Variants in CFAP299 observed in about 807,000 individuals in gnomAD.
CFAP299 encodes cilia- and flagella-associated protein 299.
A neutral mutation model predicts 27.0 loss-of-function variants in CFAP299; 21 were observed. That is an observed-to-expected ratio of 0.78 (90% CI 0.55 to 1.12). The LOEUF is 1.12. Ranked by LOEUF, CFAP299 falls within the 50% of genes most tolerant of loss-of-function variation. CFAP299 has a pLI of 0.00. For missense variants in CFAP299, 310 were observed against 276.6 expected (o/e 1.12, Z -0.86); for synonymous variants, 104 against 98.1 (o/e 1.06, Z -0.36).
At chr4:80,768,184 C>T (rs941951604) in intron 3 of CFAP299, among the ~76,000 whole-genome samples, 4 of 152,182 alleles carry the variant, frequency 2.6e-5, no homozygotes, top group Non-Finnish European at 5.9e-5. Flanking sequence ...TCAGTAATAA[C>T]ACCTAAGATT....
At chr4:80,697,593 G>A (rs1047514037) in intron 3 of CFAP299, among the ~76,000 whole-genome samples, 1 of 152,224 alleles carries the variant, frequency 6.6e-6, no homozygotes, top group African/African-American at 2.4e-5. Flanking sequence ...TTTAGGCTAA[G>A]CCTTAGCAGG....
chr4:80,388,831 A>T (rs1005480797), intron 2 of CFAP299: 1 of 368,364 alleles, frequency 2.7e-6, no homozygotes, highest in African/African-American at 2.2e-5. Context: ...TCTTCCAATC[A>T]TATTTCCTTA....
chr4:80,863,810 CT>C (rs1170758597), intron 3 of CFAP299, among the ~76,000 whole-genome samples: 1 of 151,912 alleles, frequency 6.6e-6, no homozygotes, highest in African/African-American at 2.4e-5. Context: ...GAAGTTTTTC[CT>C]TTATAAACAT....
At chr4:80,707,428 C>A (rs1014284108) in intron 3 of CFAP299, among the ~76,000 whole-genome samples, 1 of 151,904 alleles carries the variant, frequency 6.6e-6, no homozygotes, top group African/African-American at 2.4e-5. Flanking sequence ...GCTGTTTATG[C>A]ACTAGAATGA....
chr4:80,398,086 A>G (rs1400421557), intron 2 of CFAP299, among the ~76,000 whole-genome samples: 15 of 152,186 alleles, frequency 9.9e-5, no homozygotes, highest in Admixed American at 4.6e-4. Flanking sequence ...TCCCATTCAC[A>G]ATTGCTTCAA....
At chr4:80,882,435 G>C (rs530736452) in intron 4 of CFAP299, among the ~76,000 whole-genome samples, 1 of 152,068 alleles carries the variant, frequency 6.6e-6, no homozygotes, top group Admixed American at 6.5e-5. Flanking sequence ...TCAGGAGATC[G>C]AGACCATCCT....
At chr4:80,410,615 T>C (rs1429993774) in intron 2 of CFAP299, among the ~76,000 whole-genome samples, 1 of 152,218 alleles carries the variant, frequency 6.6e-6, no homozygotes, top group African/African-American at 2.4e-5. Context: ...TAGAACTGTA[T>C]TGCATGTGGC....
In CFAP299 at chr4:80,882,429, G is replaced by T. The variant is rs149691223; in HGVS notation, c.476+12294G>T. On this transcript the variant is annotated intron_variant, in intron 4 of 5. Transcript: ENST00000358105. ...CGAGGCGGGCGGATTACGAGGTCAG[G>T]AGATCGAGACCATCCTGGCTAACAC... Among the ~76,000 whole-genome samples, 395 of 152,246 alleles carry T rather than the reference G, an allele frequency of 2.6e-3. 3 individuals are homozygous for T. Among genetic ancestry groups the T allele is most frequent in the African/African-American group, 9.2e-3 (383 of 41,556 alleles).
At chr4:80,776,117 C>A (rs1726524586) in intron 3 of CFAP299, among the ~76,000 whole-genome samples, 1 of 152,102 alleles carries the variant, frequency 6.6e-6, no homozygotes, top group South Asian at 2.1e-4. Flanking sequence ...TGAAATGCTG[C>A]AAGGTAATAG....
chr4:80,496,489 T>G (rs901244616), intron 2 of CFAP299, among the ~76,000 whole-genome samples: 2 of 152,222 alleles, frequency 1.3e-5, no homozygotes, highest in East Asian at 1.9e-4. Context: ...CTCATCAGCC[T>G]GGCCTACATT....
chr4:80,688,804 A>G lies in CFAP299; in HGVS notation c.333+105621A>G, dbSNP rs577313263. ...AAGTTGAAAACTTTGAAAAAAATTT[A>G]GAAGAATGTATAACTAGAATAACCA... On this transcript the variant is annotated intron_variant, in intron 3 of 5. Coordinates refer to ENST00000358105, the MANE Select transcript of CFAP299 (RefSeq NM_152770.3). 6.6e-4 allele frequency among the ~76,000 whole-genome samples: 101 copies of G among 151,968 alleles called. No homozygotes were observed. The Middle Eastern group carries it at 0.01, about 15-fold the overall frequency.
intron 3 of CFAP299, among the ~76,000 whole-genome samples, chr4:80,767,739 A>C (rs1262092525): frequency 2.0e-5 from 3 of 152,224 alleles, no homozygotes; most frequent in Non-Finnish European, 4.4e-5. Context: ...TGGCTGATTT[A>C]GCAGTGTTTT....
chr4:80,664,620 T>C (rs1171959880), intron 3 of CFAP299, among the ~76,000 whole-genome samples: 2 of 152,154 alleles, frequency 1.3e-5, no homozygotes, highest in East Asian at 3.9e-4. Context: ...TAGACTGCTG[T>C]GCTGGCAGCA....
intron 3 of CFAP299, among the ~76,000 whole-genome samples, chr4:80,629,507 A>G (rs1039444798): frequency 6.6e-6 from 1 of 152,172 alleles, no homozygotes; most frequent in Non-Finnish European, 1.5e-5. Flanking sequence ...GAGGGAATAC[A>G]TATGCTAGTC....
At chr4:80,402,063 A>G (rs1405847016) in intron 2 of CFAP299, among the ~76,000 whole-genome samples, 1 of 152,136 alleles carries the variant, frequency 6.6e-6, no homozygotes, top group African/African-American at 2.4e-5. Flanking sequence ...ATATTTACCC[A>G]ATACCTGTAC....
At chr4:80,559,193 T>C (rs919196473) in intron 2 of CFAP299, among the ~76,000 whole-genome samples, 13 of 152,308 alleles carry the variant, frequency 8.5e-5, no homozygotes, top group South Asian at 6.2e-4. Flanking sequence ...ATGTGAACTT[T>C]CCTTGTAGCT....
At position 80,782,289 on chromosome 4, in the gene CFAP299, G is replaced by A. The variant is rs75792378; in HGVS notation, c.334-87704G>A. Among the ~76,000 whole-genome samples, 84 of 151,858 alleles carry A rather than the reference G, an allele frequency of 5.5e-4. No homozygotes were observed. In the East Asian group the frequency reaches 0.014, roughly 25 times the overall value. On this transcript the variant is annotated intron_variant, in intron 3 of 5. Transcript: ENST00000358105. ...ACAATATGAGAACAAAAATGGAGGA[G>A]AGCAAAGCCCATGGATGGAAAGAGA...
At chr4:80,725,642 C>A (rs191833349) in intron 3 of CFAP299, among the ~76,000 whole-genome samples, 1 of 152,290 alleles carries the variant, frequency 6.6e-6, no homozygotes, top group Admixed American at 6.5e-5. Context: ...TCTAATCTAT[C>A]CATATGAGGT....
chr4:80,648,334 A>G (rs888001401), intron 3 of CFAP299, among the ~76,000 whole-genome samples: 12 of 152,320 alleles, frequency 7.9e-5, no homozygotes, highest in African/African-American at 2.6e-4. Flanking sequence ...ACTTGCCTAG[A>G]AAAGGCCTTA....
Sources: allele counts gnomAD v4.1 joint callset (sites outside exome capture counted in the v4.1 genomes callset), GRCh38; gene constraint gnomAD v4.1.1; transcripts MANE v1.5; gene names NCBI Gene and HGNC (gene_info 2026-07-23, HGNC 2026-07-21).